Variants in BMPER observed in about 807,000 individuals in gnomAD.
BMPER encodes the protein BMP-binding endothelial regulator protein.
BMPER carries 45 observed loss-of-function variants against 87.3 expected under a neutral mutation model. That is an observed-to-expected ratio of 0.52 (90% CI 0.41 to 0.66). The LOEUF (loss-of-function observed/expected upper bound fraction) is 0.66. Among genes scored for constraint, BMPER ranks in the 30% least tolerant of loss-of-function variants. The pLI is 0.00. For missense variants in BMPER, 784 were observed against 867.5 expected, an observed-to-expected ratio of 0.90 and a Z score of 1.21; for synonymous variants, 326 against 316.2, an observed-to-expected ratio of 1.03 and a Z score of -0.33.
intron 13 of BMPER, among the ~76,000 whole-genome samples, chr7:34,107,520 C>T (rs146056877): frequency 5.3e-5 from 8 of 152,232 alleles, no homozygotes; most frequent in Non-Finnish European, 7.4e-5. Flanking sequence ...ACTGGCTAAG[C>T]GAGTCATTTG....
At chr7:33,932,292 A>G (rs2016770) in intron 2 of BMPER, among the ~76,000 whole-genome samples, 60,455 of 152,100 alleles carry the variant, frequency 0.4, 13,079 homozygotes, top group African/African-American at 0.58. Flanking sequence ...GCACCCCGCC[A>G]CTTTATTCCC....
intron 6 of BMPER, among the ~76,000 whole-genome samples, chr7:34,042,323 T>G (rs946779595): frequency 6.6e-6 from 1 of 152,194 alleles, no homozygotes; most frequent in Non-Finnish European, 1.5e-5. Context: ...ATGAAAATTA[T>G]GACACACAAG....
intron 3 of BMPER, among the ~76,000 whole-genome samples, chr7:33,960,028 A>AT (rs1785231003): frequency 6.6e-6 from 1 of 152,134 alleles, no homozygotes; most frequent in Non-Finnish European, 1.5e-5. Context: ...GCTTTCTATC[A>AT]TTTTTTCTAT....
intron 12 of BMPER, among the ~76,000 whole-genome samples, chr7:34,080,668 A>G (rs1014253968): frequency 6.6e-6 from 1 of 152,196 alleles, no homozygotes; most frequent in African/African-American, 2.4e-5. Flanking sequence ...AAGATGACCC[A>G]TTATTACACA....
chr7:33,941,500 G>A (rs1318896722), intron 3 of BMPER, among the ~76,000 whole-genome samples: 1 of 151,996 alleles, frequency 6.6e-6, no homozygotes, highest in Admixed American at 6.6e-5. Flanking sequence ...TCACCATAAT[G>A]TAGAATCACT....
chr7:34,061,633 C>T (rs1020444591), intron 10 of BMPER, among the ~76,000 whole-genome samples: 1 of 152,188 alleles, frequency 6.6e-6, no homozygotes, highest in African/African-American at 2.4e-5. Flanking sequence ...AGATAATTCT[C>T]ATTTTTATGT....
At chr7:34,028,601 G>GTTTTTTT in intron 6 of BMPER, among the ~76,000 whole-genome samples, 416 of 36,052 alleles carry the variant, frequency 0.012, 85 homozygotes, top group East Asian at 0.026. Flanking sequence ...CATTTTTTCT[G>GTTTTTTT]TTTTTTTTTT....
At chr7:34,088,881 A>G (rs992066224) in intron 13 of BMPER, among the ~76,000 whole-genome samples, 2 of 152,118 alleles carry the variant, frequency 1.3e-5, no homozygotes, top group African/African-American at 4.8e-5. Flanking sequence ...CTGTGGAACA[A>G]TCTCAAAATC....
At chr7:34,044,235 C>A (rs1283015619) in intron 6 of BMPER, among the ~76,000 whole-genome samples, 1 of 152,158 alleles carries the variant, frequency 6.6e-6, no homozygotes, top group African/African-American at 2.4e-5. Context: ...AAAATTACTT[C>A]AGTACACATA....
At chr7:34,107,009 AGACCACTCCATT>A (rs145081574) in intron 13 of BMPER, among the ~76,000 whole-genome samples, 3,472 of 152,300 alleles carry the variant, frequency 0.023, 117 homozygotes, top group African/African-American at 0.078. Context: ...AGTTGTGAAT[AGACCACTCCATT>A]GATTTGCTTG....
At chr7:34,120,486 C>T (rs1790235640) in intron 13 of BMPER, among the ~76,000 whole-genome samples, 1 of 151,966 alleles carries the variant, frequency 6.6e-6, no homozygotes, top group Non-Finnish European at 1.5e-5. Context: ...GCAAGCTCCT[C>T]CTCCCGGGTT....
chr7:34,013,920 C>T (rs1439481958), intron 6 of BMPER, among the ~76,000 whole-genome samples: 1 of 151,914 alleles, frequency 6.6e-6, no homozygotes, highest in Non-Finnish European at 1.5e-5. Context: ...CTAATCATGT[C>T]CTTCTTCTGC....
intron 6 of BMPER, among the ~76,000 whole-genome samples, chr7:34,001,067 G>T (rs1340372341): frequency 6.6e-6 from 1 of 151,176 alleles, no homozygotes; most frequent in East Asian, 1.9e-4. Flanking sequence ...ATATATTGTT[G>T]TACTCAATTT....
At position 34,012,081 on chromosome 7, in the gene BMPER, A is replaced by G. The variant is rs1226980101; in HGVS notation, c.577-34225A>G. On this transcript the variant is annotated intron_variant, in intron 6 of 14. Transcript: ENST00000649409. The stretch of plus-strand genomic sequence containing the variant: ...GGGCATAGAAACTTAATAAGAAGGA[A>G]ATAAGAGAAATCAGTTTTCCAATAC... 2.0e-5 allele frequency among the ~76,000 whole-genome samples: 3 copies of G among 151,950 alleles called. No individual in the cohort carries two copies. The East Asian group carries it at 5.8e-4, about 30-fold the overall frequency.
Position 34,085,826 on chromosome 7 carries a change from C to G in BMPER, c.1479C>G (p.Leu493=), listed in dbSNP as rs1585816929. ...CTGCGCCGCATCTCAAGGGCAAGCTCTGTGGTCTTTGTGGCAACTACAATG... is the reference window on the plus strand; with the variant it reads ...CTGCGCCGCATCTCAAGGGCAAGCTGTGTGGTCTTTGTGGCAACTACAATG... ...VMAAPHLKGK[L]CGLCGNYNGH... The change falls in exon 13 of 15, where the codon CTC becomes CTG. Residue 493 remains leucine (L), a synonymous_variant. Transcript: ENST00000649409. The G allele has an allele frequency of 6.2e-7, 1 of 1,614,192 alleles. No homozygotes were observed. The highest frequency in any genetic ancestry group is 1.1e-5 in the South Asian group (1 of 91,076).
intron 4 of BMPER, 62 bp downstream of exon 4, chr7:33,966,623 C>T: frequency 2.0e-6 from 3 of 1,494,900 alleles, no homozygotes; most frequent in Admixed American, 1.7e-5. Context: ...TTTAGTCACC[C>T]CTTCACACAA....
chr7:33,969,593 G>T (rs1785487026), intron 4 of BMPER, among the ~76,000 whole-genome samples: 1 of 152,086 alleles, frequency 6.6e-6, no homozygotes, highest in Non-Finnish European at 1.5e-5. Context: ...TAGAGACGGG[G>T]TTTCACTGTG....
At chr7:34,124,811 C>T (rs1182735354) in intron 13 of BMPER, among the ~76,000 whole-genome samples, 12 of 152,114 alleles carry the variant, frequency 7.9e-5, no homozygotes, top group Admixed American at 7.2e-4. Flanking sequence ...ACTCTTCACA[C>T]TGTTAAAGAA....
Position 34,153,326 on chromosome 7 carries a change from G to T in BMPER, c.*53G>T. 1.3e-6 allele frequency: 2 copies of T among 1,599,708 alleles called. No individual in the cohort carries two copies. The highest frequency in any genetic ancestry group is 4.5e-5 in the East Asian group (2 of 44,790). On this transcript the variant is annotated 3_prime_UTR_variant, in exon 15 of 15. Transcript: ENST00000649409. ...AATCTGGTGACTTTGACACTGAAGC[G>T]GAAGAGCCAATGAAGGACTGCAGTA...
Sources: allele counts gnomAD v4.1 joint callset (sites outside exome capture counted in the v4.1 genomes callset), GRCh38; gene constraint gnomAD v4.1.1; transcripts MANE v1.5; gene names NCBI Gene and HGNC (gene_info 2026-07-23, HGNC 2026-07-21).